The following ENTREP2 variants were observed in gnomAD, a reference collection of about 807,000 sequenced individuals.
ENTREP2 encodes endosomal transmembrane epsin interactor 2.
At chr15:29,647,978 G>C in the ENTREP2 span, among the ~76,000 whole-genome samples, 1,046 of 152,236 alleles carry the variant, frequency 6.9e-3, 13 homozygotes, top group African/African-American at 0.018. Context: ...AGCGTAACTT[G>C]ACTCCTCCAT....
At chr15:29,443,551 T>G in the ENTREP2 span, among the ~76,000 whole-genome samples, 2 of 152,094 alleles carry the variant, frequency 1.3e-5, no homozygotes, top group African/African-American at 4.8e-5. Context: ...CACTGGGGGC[T>G]GGATAAGTGA....
At chr15:29,298,658 CAAG>C in the ENTREP2 span, among the ~76,000 whole-genome samples, 266 of 152,172 alleles carry the variant, frequency 1.7e-3, 1 homozygote, top group African/African-American at 5.8e-3. Flanking sequence ...AAAACTGACA[CAAG>C]AAGAAGAAAT....
At chr15:29,584,672 A>C in the ENTREP2 span, among the ~76,000 whole-genome samples, 2 of 152,188 alleles carry the variant, frequency 1.3e-5, no homozygotes, top group Non-Finnish European at 2.9e-5. Flanking sequence ...GGGGTGGGGG[A>C]AATGGGGAGA....
At chr15:29,630,612 G>A in the ENTREP2 span, among the ~76,000 whole-genome samples, 35 of 152,206 alleles carry the variant, frequency 2.3e-4, no homozygotes, top group African/African-American at 7.9e-4. Context: ...TGACATAAAC[G>A]CTAGTTCTTT....
At chr15:29,122,842 T>C in the ENTREP2 span, 1 of 154,448 alleles carries the variant, frequency 6.5e-6, no homozygotes, top group Non-Finnish European at 1.4e-5. Flanking sequence ...CAGAGCGTGA[T>C]GAACGCCTAA....
At chr15:29,343,568 C>G in the ENTREP2 span, among the ~76,000 whole-genome samples, 1 of 94,354 alleles carries the variant, frequency 1.1e-5, no homozygotes, top group African/African-American at 2.9e-5. Context: ...AAAAAAAAAC[C>G]AGGCGCTCTC....
chr15:29,213,525 C>T, the ENTREP2 span, among the ~76,000 whole-genome samples: 1 of 152,050 alleles, frequency 6.6e-6, no homozygotes, highest in African/African-American at 2.4e-5. Context: ...AAGTTGGATT[C>T]CTAGGTATTT....
the ENTREP2 span, among the ~76,000 whole-genome samples, chr15:29,133,472 G>T: frequency 1.3e-5 from 2 of 152,136 alleles, no homozygotes; most frequent in Non-Finnish European, 2.9e-5. Context: ...CCCTGCGCAC[G>T]TGCCGTCCAC....
chr15:29,123,455 A>C, the ENTREP2 span: 1 of 1,551,670 alleles, frequency 6.4e-7, no homozygotes, highest in East Asian at 2.4e-5. Context: ...GGGAGGGCAC[A>C]GTGTGAGTGT....
chr15:29,336,091 G>A, the ENTREP2 span, among the ~76,000 whole-genome samples: 4 of 135,644 alleles, frequency 2.9e-5, no homozygotes, highest in East Asian at 4.5e-4. Context: ...GCAGTGAGCC[G>A]AGATCACGCC....
At chr15:29,568,710 C>CAAAAA in the ENTREP2 span, among the ~76,000 whole-genome samples, 346 of 128,060 alleles carry the variant, frequency 2.7e-3, 1 homozygote, top group East Asian at 7.2e-3. Context: ...CCTCTTAAGG[C>CAAAAA]AAAAAAAAAA....
the ENTREP2 span, among the ~76,000 whole-genome samples, chr15:29,173,068 G>T: frequency 6.6e-6 from 1 of 152,262 alleles, no homozygotes; most frequent in South Asian, 2.1e-4. Context: ...CAGCCCCCAA[G>T]TACACATCGT....
chr15:29,169,777 A>C, the ENTREP2 span, among the ~76,000 whole-genome samples: 2 of 152,114 alleles, frequency 1.3e-5, no homozygotes, highest in Admixed American at 1.3e-4. Flanking sequence ...GAGCTCCCTA[A>C]ACTCAAGAAA....
the ENTREP2 span, among the ~76,000 whole-genome samples, chr15:29,493,225 C>G: frequency 7.2e-6 from 1 of 139,708 alleles, no homozygotes; most frequent in Non-Finnish European, 1.6e-5. Flanking sequence ...GCTCCGCCTC[C>G]CGGGTTCACG....
chr15:29,270,222 G>A, the ENTREP2 span, among the ~76,000 whole-genome samples: 9 of 152,218 alleles, frequency 5.9e-5, no homozygotes, highest in African/African-American at 2.2e-4. Flanking sequence ...GACCCAGAGG[G>A]CTCTTAGTTT....
chr15:29,240,735 C>T, the ENTREP2 span, among the ~76,000 whole-genome samples: 40 of 152,260 alleles, frequency 2.6e-4, no homozygotes, highest in Admixed American at 6.5e-4. Flanking sequence ...GATTTGTGAA[C>T]GGCTAACAGC....
At chr15:29,431,676 C>T in the ENTREP2 span, among the ~76,000 whole-genome samples, 703 of 152,232 alleles carry the variant, frequency 4.6e-3, 10 homozygotes, top group African/African-American at 0.016. Flanking sequence ...TCCCTGGCAT[C>T]TGCAAGCACA....
chr15:29,270,083 G>A, the ENTREP2 span, among the ~76,000 whole-genome samples: 1 of 152,120 alleles, frequency 6.6e-6, no homozygotes, highest in Admixed American at 6.5e-5. Context: ...TTCTAAATCG[G>A]GAGCATTTGT....
the ENTREP2 span, among the ~76,000 whole-genome samples, chr15:29,439,060 C>A: frequency 6.6e-6 from 1 of 152,136 alleles, no homozygotes; most frequent in Admixed American, 6.5e-5. Flanking sequence ...TTTCCTAGTT[C>A]TGTCCCCTAA....
Sources: allele counts gnomAD v4.1 joint callset (sites outside exome capture counted in the v4.1 genomes callset), GRCh38; gene constraint gnomAD v4.1.1; transcripts MANE v1.5; gene names NCBI Gene and HGNC (gene_info 2026-07-23, HGNC 2026-07-21).